The following LRBA variants were observed in gnomAD, a reference collection of about 807,000 sequenced individuals.
LRBA encodes lipopolysaccharide-responsive and beige-like anchor protein.
LRBA carries 176 observed loss-of-function variants against 330.0 expected under a neutral mutation model. That is an observed-to-expected ratio of 0.53 (90% confidence interval 0.47 to 0.60). The LOEUF is 0.60. Among genes scored for constraint, LRBA ranks in the 20% least tolerant of loss-of-function variants. The pLI is 0.00. For missense variants in LRBA, 3,259 were observed against 3,444.8 expected (o/e 0.95, Z 1.35); for synonymous variants, 1,230 against 1,193.0 (o/e 1.03, Z -0.64).
chr4:150,784,799 G>T (rs888472827), intron 34 of LRBA, among the ~76,000 whole-genome samples: 10 of 151,840 alleles, frequency 6.6e-5, no homozygotes, highest in Non-Finnish European at 1.2e-4. Context: ...TATCTAAACT[G>T]GCATGAGGAT....
chr4:150,673,952 A>G (rs938776896), intron 37 of LRBA, among the ~76,000 whole-genome samples: 1 of 152,204 alleles, frequency 6.6e-6, no homozygotes, highest in African/African-American at 2.4e-5. Flanking sequence ...ATTATGATTT[A>G]AGAGGTTAGG....
intron 40 of LRBA, among the ~76,000 whole-genome samples, chr4:150,513,094 T>C (rs2152139986): frequency 6.6e-6 from 1 of 152,286 alleles, no homozygotes; most frequent in South Asian, 2.1e-4. Context: ...GCAAGACCTG[T>C]CAAAGACAGA....
intron 27 of LRBA, 83 bp from the exon 28 acceptor site, chr4:150,844,290 T>A (rs1749531620): frequency 9.7e-6 from 7 of 724,940 alleles, no homozygotes; most frequent in African/African-American, 9.0e-5. Flanking sequence ...AACACAGTAT[T>A]CCCAGAACCA....
chr4:150,360,144 T>A (rs1738475105), intron 47 of LRBA, among the ~76,000 whole-genome samples: 2 of 152,162 alleles, frequency 1.3e-5, no homozygotes, highest in South Asian at 4.2e-4. Flanking sequence ...TAGCCACATT[T>A]TTTTAATTTA....
chr4:150,590,996 G>C, intron 38 of LRBA, 137 bp from the exon 39 acceptor site: 1 of 701,026 alleles, frequency 1.4e-6, no homozygotes, highest in Non-Finnish European at 2.3e-6. Flanking sequence ...TGGAGAAAGT[G>C]ATTGGGATGG....
chr4:150,651,988 T>G (rs60898825), intron 37 of LRBA, among the ~76,000 whole-genome samples: 9,186 of 152,158 alleles, frequency 0.06, 851 homozygotes, highest in African/African-American at 0.2. Context: ...GAACCACAGG[T>G]GCATACTACC....
At chr4:150,872,606 A>G (rs1448481668) in intron 18 of LRBA, 57 bp downstream of exon 18, 7 of 1,183,480 alleles carry the variant, frequency 5.9e-6, no homozygotes, top group Non-Finnish European at 8.7e-6. Context: ...TACTGCAAAG[A>G]TTTATAAAAT....
chr4:151,005,052 G>C (rs1222384375), intron 2 of LRBA, among the ~76,000 whole-genome samples: 1 of 152,044 alleles, frequency 6.6e-6, no homozygotes, highest in African/African-American at 2.4e-5. Context: ...AAATAGTCAA[G>C]AAATAGTCAA....
chr4:150,590,866 T>C lies in LRBA; in HGVS notation c.6047-7A>G. Reference sequence around the variant, plus strand: ...AGGATATCTTCATCTGTGGCTGAAATGAAAAGGAAACAAAGCTGTCCATCA... The same window carrying C: ...AGGATATCTTCATCTGTGGCTGAAACGAAAAGGAAACAAAGCTGTCCATCA... On this transcript the variant is annotated splice_polypyrimidine_tract_variant and splice_region_variant and intron_variant, in intron 38 of 56. Transcript: ENST00000651943. 6.2e-7 allele frequency: 1 copy of C among 1,613,390 alleles called. No homozygotes were observed. Among genetic ancestry groups the C allele is most frequent in the South Asian group, 1.1e-5 (1 of 90,956 alleles).
intron 46 of LRBA, among the ~76,000 whole-genome samples, chr4:150,419,919 T>A (rs905506622): frequency 1.3e-5 from 2 of 149,460 alleles, no homozygotes; most frequent in East Asian, 4.1e-4. Flanking sequence ...ATTACAGGAA[T>A]GAGCCACCAA....
At chr4:150,424,628 C>T (rs989771279) in intron 46 of LRBA, among the ~76,000 whole-genome samples, 3 of 148,110 alleles carry the variant, frequency 2.0e-5, no homozygotes, top group East Asian at 3.9e-4. Flanking sequence ...CGTGCACACA[C>T]GCACACACAC....
intron 34 of LRBA, among the ~76,000 whole-genome samples, chr4:150,796,711 A>T (rs1370258928): frequency 6.6e-6 from 1 of 151,948 alleles, no homozygotes; most frequent in Admixed American, 6.6e-5. Context: ...GATTCTTCTA[A>T]ACTAGAAAGT....
At chr4:150,377,038 TA>T (rs900816860) in intron 47 of LRBA, among the ~76,000 whole-genome samples, 41 of 151,462 alleles carry the variant, frequency 2.7e-4, no homozygotes, top group Admixed American at 1.8e-3. Flanking sequence ...CTCATGCCTG[TA>T]ATCCTACTAC....
intron 46 of LRBA, among the ~76,000 whole-genome samples, chr4:150,418,367 ATTAG>A (rs1228078433): frequency 3.9e-5 from 6 of 152,174 alleles, no homozygotes; most frequent in Admixed American, 2.6e-4. Context: ...TATAAATTCA[ATTAG>A]TTAAACTAGA....
At chr4:150,999,945 A>G (rs1743147059) in intron 2 of LRBA, among the ~76,000 whole-genome samples, 1 of 152,174 alleles carries the variant, frequency 6.6e-6, no homozygotes, top group Non-Finnish European at 1.5e-5. Context: ...GATACCTAAA[A>G]CCACAGATAA....
intron 2 of LRBA, among the ~76,000 whole-genome samples, chr4:150,954,496 T>C (rs1252287872): frequency 2.0e-5 from 3 of 151,936 alleles, no homozygotes; most frequent in Non-Finnish European, 4.4e-5. Context: ...AAACATGTGC[T>C]GTGTCCACTA....
intron 47 of LRBA, among the ~76,000 whole-genome samples, chr4:150,373,168 TGTGTGAGA>T (rs1373050790): frequency 3.2e-4 from 36 of 111,542 alleles, no homozygotes; most frequent in African/African-American, 8.3e-4. Context: ...TGTGTGTGTG[TGTGTGAGA>T]GAGAGAGAGA....
intron 37 of LRBA, among the ~76,000 whole-genome samples, chr4:150,641,731 TAG>T (rs1388882557): frequency 6.6e-6 from 1 of 152,090 alleles, no homozygotes; most frequent in African/African-American, 2.4e-5. Flanking sequence ...TTTAGGGGTA[TAG>T]GAGTTGGTTA....
In LRBA at chr4:150,908,487, A is replaced by G; in HGVS notation, c.1360-20T>C. The stretch of plus-strand genomic sequence containing the variant: ...TACATCCTTGTAAGATCAAAAACAC[A>G]GTAAAGAGTTCAATGATTTTTTTTC... On this transcript the variant is annotated intron_variant, in intron 10 of 56. Coordinates refer to ENST00000651943, the MANE Select transcript of LRBA (RefSeq NM_001364905.1). The G allele has an allele frequency of 6.4e-7, 1 of 1,572,982 alleles. No homozygotes were observed. The highest frequency in any genetic ancestry group is 2.1e-5 in the Admixed American group (1 of 48,230).
Sources: allele counts gnomAD v4.1 joint callset (sites outside exome capture counted in the v4.1 genomes callset), GRCh38; gene constraint gnomAD v4.1.1; transcripts MANE v1.5; gene names NCBI Gene and HGNC (gene_info 2026-07-23, HGNC 2026-07-21).